Variants in PLCG2 observed in about 807,000 individuals in gnomAD.
PLCG2 encodes 1-phosphatidylinositol 4,5-bisphosphate phosphodiesterase gamma-2.
In PLCG2, 69 loss-of-function variants were observed where a neutral mutation model predicts 175.6. That is an observed-to-expected ratio of 0.39 (90% CI 0.32 to 0.48). The LOEUF (loss-of-function observed/expected upper bound fraction) is 0.48. Ranked by LOEUF, PLCG2 falls within the 20% of genes least tolerant of loss-of-function variation. PLCG2 has a pLI of 0.91. For missense variants in PLCG2, 1,798 were observed against 1,650.9 expected (o/e 1.09, Z -1.54); for synonymous variants, 827 against 624.0 (o/e 1.33, Z -4.85).
At chr16:81,785,229 C>T (rs532403190) in intron 1 of PLCG2, among the ~76,000 whole-genome samples, 4 of 152,282 alleles carry the variant, frequency 2.6e-5, no homozygotes, top group South Asian at 2.1e-4. Flanking sequence ...CAATCAAGGA[C>T]ACCTCCTAGG....
chr16:81,954,686 T>A (rs892156333), intron 31 of PLCG2, among the ~76,000 whole-genome samples: 1 of 152,260 alleles, frequency 6.6e-6, no homozygotes, highest in Non-Finnish European at 1.5e-5. Context: ...TTTTTGTGGC[T>A]GCATAGTATT....
At chr16:81,762,433 A>G (rs889608970) in intron 2 of PLCG2, among the ~76,000 whole-genome samples, 1 of 151,824 alleles carries the variant, frequency 6.6e-6, no homozygotes, top group African/African-American at 2.4e-5. Context: ...GCCTGGTGTG[A>G]TGGCATGCTC....
chr16:81,819,313 C>A (rs755805704), intron 2 of PLCG2, among the ~76,000 whole-genome samples: 1 of 152,112 alleles, frequency 6.6e-6, no homozygotes, highest in Non-Finnish European at 1.5e-5. Context: ...TGTGGAGTGA[C>A]AACACTGCCT....
At chr16:81,744,583 G>A (rs1175364096) in intron 1 of PLCG2, among the ~76,000 whole-genome samples, 1 of 132,374 alleles carries the variant, frequency 7.6e-6, no homozygotes, top group Non-Finnish European at 1.6e-5. Flanking sequence ...AGCTGGTGGG[G>A]ATGATAAGGA....
chr16:81,848,024 G>T (rs1199989920), intron 2 of PLCG2, among the ~76,000 whole-genome samples: 1 of 152,222 alleles, frequency 6.6e-6, no homozygotes, highest in East Asian at 1.9e-4. Flanking sequence ...ATATGGAAAG[G>T]TGGAAGACAT....
In PLCG2 at chr16:81,786,021, C is replaced by T. The variant is rs753458249; in HGVS notation, c.32C>T (p.Ala11Val). MSTTVNVDSL[A>V]EYEKSQIKRA... is the part of the protein sequence containing the mutation. Reference sequence around the variant, plus strand: ...ACCACGGTCAATGTAGATTCCCTTGCGGAATATGAGAAGAGCCAGATCAAG... The same window carrying T: ...ACCACGGTCAATGTAGATTCCCTTGTGGAATATGAGAAGAGCCAGATCAAG... Residue 11 changes from alanine to valine, a missense_variant, in exon 2 of 33, where the codon GCG (alanine) becomes GTG (valine). Physicochemically the swap from Ala to Val is moderately conservative, Grantham distance 64 (BLOSUM62 0). Coordinates refer to ENST00000564138, the MANE Select transcript of PLCG2 (RefSeq NM_002661.5). 5.6e-5 allele frequency: 90 copies of T among 1,614,132 alleles called. No individual in the cohort carries two copies. The highest frequency in any genetic ancestry group is 2.5e-4 in the Admixed American group (15 of 60,024).
chr16:81,902,211 G>C (rs951845427), intron 14 of PLCG2, among the ~76,000 whole-genome samples: 1 of 152,210 alleles, frequency 6.6e-6, no homozygotes, highest in Admixed American at 6.5e-5. Context: ...TGGAAGGAGC[G>C]AGTGTGAATT....
chr16:81,931,665 G>A lies in PLCG2; in HGVS notation c.2739+11G>A, dbSNP rs777784467. The A allele has an allele frequency of 4.3e-6, 7 of 1,611,752 alleles. No individual in the cohort carries two copies. The highest frequency in any genetic ancestry group is 2.2e-5 in the South Asian group (2 of 90,912). The stretch of plus-strand genomic sequence containing the variant: ...AAGATTGACACCAAGGTAGGCACCT[G>A]CTCACCCGGGTGCAGGTGGGCCTGG... On this transcript the variant is annotated intron_variant, in intron 25 of 32. Transcript: ENST00000564138.
At chr16:81,946,929 A>T (rs1344888683) in intron 31 of PLCG2, among the ~76,000 whole-genome samples, 2 of 151,398 alleles carry the variant, frequency 1.3e-5, no homozygotes, top group East Asian at 3.9e-4. Context: ...AGTGAAGCTT[A>T]TCCCTCCCCA....
At chr16:81,772,715 G>T (rs1328820725) in intron 2 of PLCG2, among the ~76,000 whole-genome samples, 1 of 151,642 alleles carries the variant, frequency 6.6e-6, no homozygotes, top group African/African-American at 2.4e-5. Flanking sequence ...CTACTCGGGA[G>T]GCTGAGGCAG....
At chr16:81,864,707 C>T (rs554017986) in intron 5 of PLCG2, among the ~76,000 whole-genome samples, 1 of 152,270 alleles carries the variant, frequency 6.6e-6, no homozygotes, top group African/African-American at 2.4e-5. Flanking sequence ...TACAAAAGAG[C>T]CGGGGGCAGT....
intron 18 of PLCG2, 90 bp downstream of exon 18, chr16:81,910,810 G>A (rs1177935631): frequency 1.6e-6 from 2 of 1,261,320 alleles, no homozygotes; most frequent in Non-Finnish European, 1.1e-6. Flanking sequence ...AGCCGGGCCA[G>A]TCCCCCAGGA....
At position 81,889,862 on chromosome 16, in the gene PLCG2, G is replaced by C. The variant is rs558754428; in HGVS notation, c.867+589G>C. ...TAGTAGACAGGGTTTCACTATGTTG[G>C]CCAGGCTGGTGTCGACTTCCTGACC... On this transcript the variant is annotated intron_variant, in intron 10 of 32. Coordinates refer to ENST00000564138, the MANE Select transcript of PLCG2 (RefSeq NM_002661.5). Among the ~76,000 whole-genome samples, 17 of 152,154 alleles carry C rather than the reference G, an allele frequency of 1.1e-4. No homozygotes were observed. In the East Asian group the frequency reaches 3.3e-3, roughly 29 times the overall value.
At chr16:81,852,344 C>G (rs78579348) in intron 2 of PLCG2, among the ~76,000 whole-genome samples, 1,914 of 152,198 alleles carry the variant, frequency 0.013, 46 homozygotes, top group African/African-American at 0.044. Flanking sequence ...ATTCCCTGGC[C>G]CCTGCTGTCG....
chr16:81,802,025 A>G (rs991039333), intron 2 of PLCG2, among the ~76,000 whole-genome samples: 9 of 145,662 alleles, frequency 6.2e-5, no homozygotes, highest in Non-Finnish European at 1.2e-4. Context: ...GTGGCTGTGC[A>G]GAGGTGCCCA....
In PLCG2 at chr16:81,859,106, T is replaced by G; in HGVS notation, c.432-10T>G. The G allele has an allele frequency of 6.5e-7, 1 of 1,541,292 alleles. No homozygotes were observed. Among genetic ancestry groups the G allele is most frequent in the Non-Finnish European group, 9.0e-7 (1 of 1,113,488 alleles). ...TTTCTCTCTTTCTTTTGTCTCATAT[T>G]TCTTTCCAGTTGGCTGAGAAAGCAG... On this transcript the variant is annotated splice_polypyrimidine_tract_variant and intron_variant, in intron 4 of 32. Coordinates refer to ENST00000564138, the MANE Select transcript of PLCG2 (RefSeq NM_002661.5).
intron 7 of PLCG2, among the ~76,000 whole-genome samples, chr16:81,878,052 G>C (rs1296459515): frequency 7.4e-6 from 1 of 135,926 alleles, no homozygotes; most frequent in Non-Finnish European, 1.5e-5. Flanking sequence ...CGCCATCTCG[G>C]CTCACTGCAA....
At chr16:81,913,593 C>T (rs1048216299) in intron 19 of PLCG2, among the ~76,000 whole-genome samples, 3 of 152,200 alleles carry the variant, frequency 2.0e-5, no homozygotes, top group Admixed American at 6.5e-5. Flanking sequence ...GGCCTGTGGG[C>T]GTCTTTTGTA....
chr16:81,854,467 A>G lies in PLCG2; in HGVS notation c.217A>G (p.Ile73Val). The change falls in exon 3 of 33, where the codon ATC (isoleucine) becomes GTC (valine). Residue 73 changes from isoleucine to valine, a missense_variant. Physicochemically the swap from Ile to Val is conservative, Grantham distance 29 (BLOSUM62 3). Coordinates refer to ENST00000564138, the MANE Select transcript of PLCG2 (RefSeq NM_002661.5). The stretch of plus-strand genomic sequence containing the variant: ...AGTGGATATCATGGAAATAAAAGAA[A>G]TCCGCCCAGGGAAGAACTCCAAAGA... ...GFLDIMEIKE[I>V]RPGKNSKDFE... The G allele has an allele frequency of 4.3e-6, 7 of 1,614,148 alleles. No individual in the cohort carries two copies. Among genetic ancestry groups the G allele is most frequent in the Non-Finnish European group, 5.9e-6 (7 of 1,179,964 alleles).
Sources: allele counts gnomAD v4.1 joint callset (sites outside exome capture counted in the v4.1 genomes callset), GRCh38; gene constraint gnomAD v4.1.1; transcripts MANE v1.5; gene names NCBI Gene and HGNC (gene_info 2026-07-23, HGNC 2026-07-21).